The following DHX57 variants were observed in gnomAD, a reference collection of about 807,000 sequenced individuals.
The protein encoded by DHX57 is DExH-box helicase 57.
DHX57 carries 105 observed loss-of-function variants against 156.2 expected under a neutral mutation model. That is an observed-to-expected ratio of 0.67 (90% confidence interval 0.57 to 0.79). The LOEUF (loss-of-function observed/expected upper bound fraction) is 0.79, where lower values mean the gene tolerates loss of function less well. Ranked by LOEUF, DHX57 falls within the 30% of genes least tolerant of loss-of-function variation. The pLI is 0.00. For missense variants in DHX57, 1,847 were observed against 1,661.9 expected (o/e 1.11, Z -1.94); for synonymous variants, 704 against 595.6 (o/e 1.18, Z -2.65).
intron 17 of DHX57, among the ~76,000 whole-genome samples, chr2:38,820,186 A>C (rs2148555154): frequency 1.3e-5 from 2 of 152,298 alleles, no homozygotes; most frequent in South Asian, 2.1e-4. Flanking sequence ...TTCTACTTGA[A>C]AGTAAAATTC....
At chr2:38,849,630 C>T (rs1206263012) in intron 9 of DHX57, among the ~76,000 whole-genome samples, 1 of 152,180 alleles carries the variant, frequency 6.6e-6, no homozygotes, top group Non-Finnish European at 1.5e-5. Flanking sequence ...ACTAACAAGG[C>T]TCTATATGGC....
Position 38,822,877 on chromosome 2 carries a change from G to A in DHX57, c.3291+116C>T, listed in dbSNP as rs3112146. 4 of 1,149,850 alleles carry A rather than the reference G, an allele frequency of 3.5e-6. No homozygotes were observed. In the South Asian group the frequency reaches 6.9e-5, roughly 20 times the overall value. The allele number at this position is 1,149,850 out of a possible 1,614,324, so 71.2% of individuals were successfully genotyped here. On this transcript the variant is annotated intron_variant, in intron 17 of 23. Transcript: ENST00000457308. ...TGCAGATGTGCCCTAAAAATTCACA[G>A]CTAACATACAAGCAAATTTTTAGGG...
In DHX57 at chr2:38,837,445, T is replaced by C. The variant is rs552051000; in HGVS notation, c.2542+386A>G. On this transcript the variant is annotated intron_variant, in intron 13 of 23. Coordinates refer to ENST00000457308, the MANE Select transcript of DHX57 (RefSeq NM_198963.3). ...GGCCAACAGGGAGAAAACCTGTCTC[T>C]ACTAAAAAATACAAAATTAGCCAGG... is the stretch of plus-strand genomic sequence containing the variant. Among the ~76,000 whole-genome samples the C allele has an allele frequency of 4.0e-5, 6 of 151,538 alleles. No individual in the cohort carries two copies. The East Asian group carries it at 1.2e-3, about 30-fold the overall frequency.
At chr2:38,807,530 T>A (rs557437048) in intron 21 of DHX57, among the ~76,000 whole-genome samples, 1 of 151,544 alleles carries the variant, frequency 6.6e-6, no homozygotes, top group African/African-American at 2.4e-5. Flanking sequence ...GCTAATTTTT[T>A]GTATTTTTAG....
intron 12 of DHX57, among the ~76,000 whole-genome samples, chr2:38,842,706 T>C (rs757721049): frequency 2.0e-5 from 3 of 152,094 alleles, no homozygotes; most frequent in Non-Finnish European, 4.4e-5. Context: ...TGAAATCACA[T>C]CAAAATAAAA....
intron 17 of DHX57, among the ~76,000 whole-genome samples, 164 bp downstream of exon 17, chr2:38,822,825 AATTT>A (rs1670892933): frequency 6.6e-6 from 1 of 152,180 alleles, no homozygotes; most frequent in Non-Finnish European, 1.5e-5. Context: ...TCTTTTCAGA[AATTT>A]ATTTTTGACC....
intron 13 of DHX57, 90 bp downstream of exon 13, chr2:38,837,741 A>G (rs1295286052): frequency 6.4e-6 from 5 of 777,336 alleles, no homozygotes; most frequent in Non-Finnish European, 1.1e-5. Context: ...CAGAGTCTGC[A>G]TGTAATTCAA....
At chr2:38,808,248 C>A (rs1395281622) in intron 21 of DHX57, among the ~76,000 whole-genome samples, 1 of 151,934 alleles carries the variant, frequency 6.6e-6, no homozygotes, top group Non-Finnish European at 1.5e-5. Flanking sequence ...CCACTGCACC[C>A]AGCCAGTAAA....
intron 6 of DHX57, among the ~76,000 whole-genome samples, chr2:38,857,822 C>T (rs1306851501): frequency 5.3e-5 from 8 of 152,186 alleles, no homozygotes; most frequent in African/African-American, 1.7e-4. Context: ...CATTATTTAT[C>T]CTTTGAGTCT....
At chr2:38,817,670 G>A (rs1254223538) in intron 19 of DHX57, among the ~76,000 whole-genome samples, 1 of 152,002 alleles carries the variant, frequency 6.6e-6, no homozygotes, top group Non-Finnish European at 1.5e-5. Context: ...CAGAAGCCCT[G>A]TCTACATTAT....
chr2:38,829,936 A>G (rs570812385), intron 13 of DHX57, among the ~76,000 whole-genome samples: 1 of 152,314 alleles, frequency 6.6e-6, no homozygotes, highest in East Asian at 1.9e-4. Flanking sequence ...TAAATTTTAC[A>G]TTAAATAAAA....
At chr2:38,830,086 G>C (rs1671301443) in intron 13 of DHX57, among the ~76,000 whole-genome samples, 1 of 152,030 alleles carries the variant, frequency 6.6e-6, no homozygotes, top group African/African-American at 2.4e-5. Flanking sequence ...ATATTTATTG[G>C]GTGCCTATGT....
chr2:38,845,750 T>C (rs1023965717), intron 11 of DHX57, among the ~76,000 whole-genome samples: 3 of 152,066 alleles, frequency 2.0e-5, no homozygotes, highest in Non-Finnish European at 4.4e-5. Context: ...TTATATGCAA[T>C]ACACATTAAC....
chr2:38,821,863 A>G (rs371511086), intron 17 of DHX57, among the ~76,000 whole-genome samples: 1 of 152,214 alleles, frequency 6.6e-6, no homozygotes, highest in East Asian at 1.9e-4. Context: ...AAGGGACATT[A>G]TGAATAATTA....
At chr2:38,820,012 C>T (rs3112142) in intron 17 of DHX57, among the ~76,000 whole-genome samples, 1 of 152,160 alleles carries the variant, frequency 6.6e-6, no homozygotes. Context: ...TTCTCAGGCT[C>T]TAAAGGTATC....
chr2:38,827,106 G>C (rs1671123563), intron 14 of DHX57, among the ~76,000 whole-genome samples: 1 of 151,380 alleles, frequency 6.6e-6, no homozygotes, highest in African/African-American at 2.4e-5. Context: ...ACTTCAGCTT[G>C]GGCGACAATA....
At chr2:38,810,314 G>GC (rs1253512211) in intron 21 of DHX57, 1 of 303,038 alleles carries the variant, frequency 3.3e-6, no homozygotes, top group East Asian at 8.7e-5. Context: ...GGGCCCGGCA[G>GC]CCCCACTACA....
chr2:38,811,087 C>G, intron 21 of DHX57: 1 of 575,212 alleles, frequency 1.7e-6, no homozygotes. Flanking sequence ...TCTTGGGGTT[C>G]TCCAAGATTC....
intron 8 of DHX57, 170 bp downstream of exon 8, chr2:38,854,887 T>C (rs1244642358): frequency 1.8e-5 from 12 of 668,678 alleles, no homozygotes; most frequent in Non-Finnish European, 2.9e-5. Context: ...CCAAAATATT[T>C]CTAAATATTT....
Sources: allele counts gnomAD v4.1 joint callset (sites outside exome capture counted in the v4.1 genomes callset), GRCh38; gene constraint gnomAD v4.1.1; transcripts MANE v1.5; gene names NCBI Gene and HGNC (gene_info 2026-07-23, HGNC 2026-07-21).